Variants in FSD1L observed in about 807,000 individuals in gnomAD.
FSD1L encodes the protein fibronectin type III and SPRY domain containing 1 like.
FSD1L carries 45 observed loss-of-function variants against 71.6 expected under a neutral mutation model. That is an observed-to-expected ratio of 0.63 (90% CI 0.49 to 0.81). FSD1L has a LOEUF of 0.81. FSD1L is among the 30% of genes least tolerant of loss of function. The pLI is 0.00. For synonymous variants in FSD1L, 197 were observed against 207.2 expected (o/e 0.95, Z 0.42); for missense variants, 561 against 618.1 (o/e 0.91, Z 0.98).
intron 10 of FSD1L, chr9:105,520,115 T>C (rs1434136773): frequency 1.4e-5 from 23 of 1,591,992 alleles, no homozygotes; most frequent in South Asian, 3.4e-5. Flanking sequence ...GCAGTGGCAG[T>C]GGCAGCGGCA....
intron 13 of FSD1L, 144 bp downstream of exon 13, chr9:105,539,495 C>G (rs1368348927): frequency 2.3e-6 from 1 of 430,322 alleles, no homozygotes; most frequent in Non-Finnish European, 4.1e-6. Flanking sequence ...AATTCACCCT[C>G]TCCCAAATCT....
intron 7 of FSD1L, among the ~76,000 whole-genome samples, chr9:105,499,137 A>G (rs1267553713): frequency 6.6e-6 from 1 of 152,216 alleles, no homozygotes; most frequent in Non-Finnish European, 1.5e-5. Flanking sequence ...TAGTCTGTAG[A>G]TATCAATTAC....
At chr9:105,471,724 T>TTTTATATATA (rs376687715) in intron 4 of FSD1L, among the ~76,000 whole-genome samples, 180 bp from the exon 5 acceptor site, 1 of 143,332 alleles carries the variant, frequency 7.0e-6, no homozygotes, top group South Asian at 2.2e-4. Context: ...ATAACACGTT[T>TTTTATATATA]TATATATATA....
rs577746035 is a variant in FSD1L, at chr9:105,461,195, G to GA, written c.16-322dup. Among the ~76,000 whole-genome samples, 41 of 152,184 alleles carry GA rather than the reference G, an allele frequency of 2.7e-4. No homozygotes were observed. The East Asian group carries it at 7.9e-3, about 29-fold the overall frequency. ...GATCTCTGCCCTATTTCCACTCTTA[G>GA]AAATATATGGTCTGTTTGGATGACA... is the stretch of plus-strand genomic sequence containing the variant. On this transcript the variant is annotated intron_variant, in intron 1 of 13. Coordinates refer to ENST00000481272, the MANE Select transcript of FSD1L (RefSeq NM_001145313.3).
At chr9:105,538,731 T>C (rs1488031732) in intron 12 of FSD1L, among the ~76,000 whole-genome samples, 1 of 151,892 alleles carries the variant, frequency 6.6e-6, no homozygotes, top group East Asian at 1.9e-4. Context: ...AGCTCAGGAG[T>C]TCAAGCCCAG....
At chr9:105,528,480 A>G (rs530422256) in intron 10 of FSD1L, among the ~76,000 whole-genome samples, 7 of 152,286 alleles carry the variant, frequency 4.6e-5, no homozygotes, top group Admixed American at 2.0e-4. Context: ...ATAAAACCAC[A>G]CATCTACAAC....
chr9:105,524,874 T>G, intron 10 of FSD1L: 2 of 1,578,108 alleles, frequency 1.3e-6, no homozygotes, highest in South Asian at 2.2e-5. Context: ...CGACAATCAT[T>G]ACAGTGAAAG....
chr9:105,501,643 A>G (rs1400055656), intron 7 of FSD1L, among the ~76,000 whole-genome samples: 1 of 148,012 alleles, frequency 6.8e-6, no homozygotes, highest in Admixed American at 6.8e-5. Context: ...TGTGTTGCTC[A>G]GGCTGGTCTC....
chr9:105,526,723 T>C (rs539094119), intron 10 of FSD1L, among the ~76,000 whole-genome samples: 1 of 152,314 alleles, frequency 6.6e-6, no homozygotes, highest in South Asian at 2.1e-4. Flanking sequence ...TATTGTTTCA[T>C]TTTTTTCCCA....
intron 7 of FSD1L, among the ~76,000 whole-genome samples, chr9:105,502,493 A>G (rs1219166710): frequency 6.6e-6 from 1 of 152,128 alleles, no homozygotes; most frequent in East Asian, 1.9e-4. Flanking sequence ...TTCTCATGTG[A>G]ATGACTGATA....
At chr9:105,480,563 A>C (rs1161254255) in intron 6 of FSD1L, among the ~76,000 whole-genome samples, 1 of 152,210 alleles carries the variant, frequency 6.6e-6, no homozygotes, top group African/African-American at 2.4e-5. Flanking sequence ...AAGTGCTGGG[A>C]TTACAGGTGT....
intron 10 of FSD1L, among the ~76,000 whole-genome samples, chr9:105,529,004 A>C (rs1835709684): frequency 6.6e-6 from 1 of 152,030 alleles, no homozygotes; most frequent in South Asian, 2.1e-4. Context: ...ATGCTAACAA[A>C]GATATTAAAA....
At chr9:105,489,011 A>AT (rs1432295824) in intron 7 of FSD1L, among the ~76,000 whole-genome samples, 1 of 152,030 alleles carries the variant, frequency 6.6e-6, no homozygotes, top group African/African-American at 2.4e-5. Flanking sequence ...CACATGTACA[A>AT]TTTTTTTAAG....
chr9:105,496,291 C>T (rs62575102), intron 7 of FSD1L, among the ~76,000 whole-genome samples: 39,756 of 149,962 alleles, frequency 0.27, 5,584 homozygotes, highest in Non-Finnish European at 0.31. Context: ...CTGCAAGCTC[C>T]GCCTCCCGTA....
intron 1 of FSD1L, among the ~76,000 whole-genome samples, chr9:105,457,707 C>T (rs1248100508): frequency 6.6e-6 from 1 of 152,248 alleles, no homozygotes; most frequent in Non-Finnish European, 1.5e-5. Flanking sequence ...GTGCTTAGCT[C>T]ATGCTGCTGG....
upstream of FSD1L, among the ~76,000 whole-genome samples, chr9:105,443,801 G>A (rs552038081): frequency 1.3e-5 from 2 of 152,256 alleles, no homozygotes; most frequent in Admixed American, 6.5e-5. Context: ...TTCTATGGTT[G>A]GGAAGAGATA....
At chr9:105,455,849 TA>T (rs1444437746) in intron 1 of FSD1L, among the ~76,000 whole-genome samples, 6 of 152,270 alleles carry the variant, frequency 3.9e-5, no homozygotes, top group Non-Finnish European at 4.4e-5. Flanking sequence ...CTAAATTGGC[TA>T]TAATAATAGT....
Position 105,449,044 on chromosome 9 carries a change from A to G in FSD1L, c.15+809A>G, listed in dbSNP as rs558609619. ...ACCACCCTGTTCTCTTTGTTAGACT[A>G]TAACGTAATTGAAATATAGTACAGG... On this transcript the variant is annotated intron_variant, in intron 1 of 13. Transcript: ENST00000481272. 4.6e-5 allele frequency among the ~76,000 whole-genome samples: 7 copies of G among 152,386 alleles called. No individual in the cohort carries two copies. In the East Asian group the frequency reaches 7.7e-4, roughly 17 times the overall value.
chr9:105,453,787 T>A (rs1830200587), intron 1 of FSD1L, among the ~76,000 whole-genome samples: 1 of 152,226 alleles, frequency 6.6e-6, no homozygotes, highest in Non-Finnish European at 1.5e-5. Flanking sequence ...AGCAGGATTA[T>A]TTATACAGTA....
Sources: allele counts gnomAD v4.1 joint callset (sites outside exome capture counted in the v4.1 genomes callset), GRCh38; gene constraint gnomAD v4.1.1; transcripts MANE v1.5; gene names NCBI Gene and HGNC (gene_info 2026-07-23, HGNC 2026-07-21).